CDH13: variants seen among roughly 807,000 people sequenced by gnomAD.
CDH13 encodes cadherin 13, also known as cadherin-13.
A neutral mutation model predicts 63.8 loss-of-function variants in CDH13; 24 were observed. The ratio of observed to expected loss-of-function variants is 0.38; its 90% confidence interval spans 0.27 to 0.53. The LOEUF (loss-of-function observed/expected upper bound fraction) is 0.53, where lower values mean the gene tolerates loss of function less well. Among genes scored for constraint, CDH13 ranks in the 20% least tolerant of loss-of-function variants. The pLI is 0.85. For synonymous variants in CDH13, 503 were observed against 355.3 expected (o/e 1.42, Z -4.67); for missense variants, 1,049 against 903.1 (o/e 1.16, Z -2.07).
At chr16:82,870,136 AT>A (rs896151781) in intron 2 of CDH13, among the ~76,000 whole-genome samples, 3 of 152,294 alleles carry the variant, frequency 2.0e-5, no homozygotes, top group Admixed American at 2.0e-4. Flanking sequence ...AGAAAAAAAA[AT>A]CTCATTAAAA....
intron 2 of CDH13, among the ~76,000 whole-genome samples, chr16:83,021,430 G>C (rs554713885): frequency 6.6e-6 from 1 of 152,322 alleles, no homozygotes; most frequent in African/African-American, 2.4e-5. Context: ...ACGGCAAGAG[G>C]AGAACGTAAG....
At chr16:82,804,646 G>A (rs73604894) in intron 1 of CDH13, among the ~76,000 whole-genome samples, 8,435 of 152,138 alleles carry the variant, frequency 0.055, 688 homozygotes, top group African/African-American at 0.18. Context: ...AGGAGACACT[G>A]TATGTATGAA....
chr16:82,825,339 G>GA, intron 1 of CDH13: 1 of 152,098 alleles, frequency 6.6e-6, no homozygotes, highest in East Asian at 1.9e-4. Flanking sequence ...AATTCACCAG[G>GA]AAAATACCAG....
chr16:83,487,960 C>A (rs540075747), intron 7 of CDH13, among the ~76,000 whole-genome samples: 2 of 152,212 alleles, frequency 1.3e-5, no homozygotes, highest in Non-Finnish European at 2.9e-5. Context: ...TCTCTGACTA[C>A]TCTTGCCTGT....
chr16:83,668,089 T>C (rs1914163516), intron 8 of CDH13, among the ~76,000 whole-genome samples: 1 of 152,214 alleles, frequency 6.6e-6, no homozygotes, highest in African/African-American at 2.4e-5. Context: ...AGTCCATCCC[T>C]GGTCTTCTGG....
chr16:83,320,403 C>A (rs555882618), intron 5 of CDH13, among the ~76,000 whole-genome samples: 1 of 152,118 alleles, frequency 6.6e-6, no homozygotes, highest in Non-Finnish European at 1.5e-5. Context: ...CAAGACCAAT[C>A]TAGGAAAAGT....
intron 8 of CDH13, among the ~76,000 whole-genome samples, chr16:83,646,995 C>G (rs1911883958): frequency 1.3e-5 from 2 of 152,030 alleles, no homozygotes; most frequent in Admixed American, 1.3e-4. Context: ...TGCAGGCTTT[C>G]TCTCTCCCCT....
chr16:83,371,306 C>G (rs758300972), intron 6 of CDH13, among the ~76,000 whole-genome samples: 2 of 152,228 alleles, frequency 1.3e-5, no homozygotes, highest in Admixed American at 1.3e-4. Context: ...CATCTTCAGT[C>G]ACATTCTCCA....
In CDH13 at chr16:83,047,298, A is replaced by G. The variant is rs1192699444; in HGVS notation, c.366+15080A>G. Among the ~76,000 whole-genome samples, 1 of 152,170 alleles carries G rather than the reference A, an allele frequency of 6.6e-6. No homozygotes were observed. The highest frequency in any genetic ancestry group is 2.4e-5 in the African/African-American group (1 of 41,438). The stretch of plus-strand genomic sequence containing the variant: ...TGCTGTGAATTTAAGTCATCTAATC[A>G]AAATGCATTATTTCTGTCCTTGCAT... On this transcript the variant is annotated intron_variant, in intron 3 of 13. Coordinates refer to ENST00000567109, the MANE Select transcript of CDH13 (RefSeq NM_001257.5). The surrounding 1 kb of genome is among the most constrained non-coding windows in gnomAD (Gnocchi z 4.9).
intron 2 of CDH13, chr16:82,859,087 A>G (rs1239354165): frequency 6.6e-6 from 1 of 152,358 alleles, no homozygotes; most frequent in African/African-American, 2.4e-5. Flanking sequence ...TTTAATGTCA[A>G]TATTATATTG....
rs147870729 is a variant in CDH13, at chr16:83,529,936, T to C, written c.960+43281T>C. Among the ~76,000 whole-genome samples, 324 of 152,274 alleles carry C rather than the reference T, an allele frequency of 2.1e-3. 2 individuals are homozygous for C. Among genetic ancestry groups the C allele is most frequent in the African/African-American group, 7.3e-3 (303 of 41,544 alleles). ...TATAAAGGAAAATTAGAAACTACAG[T>C]CCTAGTTAAGTAGGAGTGCAAAAGA... On this transcript the variant is annotated intron_variant, in intron 7 of 13. Transcript: ENST00000567109.
chr16:83,590,078 G>A (rs965905530), intron 7 of CDH13, among the ~76,000 whole-genome samples: 36 of 152,138 alleles, frequency 2.4e-4, no homozygotes, highest in African/African-American at 8.4e-4. Flanking sequence ...TGAGTGAGGA[G>A]AACAAACAGA....
chr16:82,648,778 C>A (rs933515949), intron 1 of CDH13, among the ~76,000 whole-genome samples: 2 of 151,968 alleles, frequency 1.3e-5, no homozygotes, highest in Non-Finnish European at 2.9e-5. Context: ...AAAAAACCTT[C>A]TAAAAAATAG....
chr16:83,511,985 AG>A, intron 7 of CDH13, among the ~76,000 whole-genome samples: 1 of 152,278 alleles, frequency 6.6e-6, no homozygotes, highest in East Asian at 1.9e-4. Flanking sequence ...GTTAGTCCTC[AG>A]TAAGTGTTAG....
intron 7 of CDH13, among the ~76,000 whole-genome samples, chr16:83,498,779 A>G (rs1221172117): frequency 6.6e-6 from 1 of 152,240 alleles, no homozygotes; most frequent in Non-Finnish European, 1.5e-5. Flanking sequence ...TAACACAGAA[A>G]AGCAAAATAC....
chr16:82,868,567 G>C (rs181704074), intron 2 of CDH13, among the ~76,000 whole-genome samples: 69 of 152,282 alleles, frequency 4.5e-4, no homozygotes, highest in African/African-American at 1.5e-3. Context: ...AGAAGTAACA[G>C]AGTGAGAAGG....
In CDH13 at chr16:83,707,836, C is replaced by CAAAAAAAAAAAAAAAAAAAAAA. The variant is rs61067563; in HGVS notation, c.1538+29376_1538+29397dup. On this transcript the variant is annotated intron_variant, in intron 10 of 13. Coordinates refer to ENST00000567109, the MANE Select transcript of CDH13 (RefSeq NM_001257.5). ...CATCTTTGGTGAGAGACCCTAAAGG[C>CAAAAAAAAAAAAAAAAAAAAAA]AAAAAAAAAAAAAAAAAAAAAAGAG... is the stretch of plus-strand genomic sequence containing the variant. 1.9e-3 allele frequency among the ~76,000 whole-genome samples: 149 copies of CAAAAAAAAAAAAAAAAAAAAAA among 78,856 alleles called. 26 individuals carry two copies. The highest frequency in any genetic ancestry group is 3.8e-3 in the African/African-American group (75 of 19,972). The allele number at this position is 78,856 out of a possible 152,430, so 51.7% of individuals were successfully genotyped here.
At chr16:83,776,031 T>C (rs1915087809) in intron 11 of CDH13, among the ~76,000 whole-genome samples, 3 of 152,138 alleles carry the variant, frequency 2.0e-5, no homozygotes, top group Admixed American at 6.5e-5. Flanking sequence ...GCATAGAAAC[T>C]GAGAGAGGCT....
At chr16:82,650,807 A>C (rs1042763489) in intron 1 of CDH13, among the ~76,000 whole-genome samples, 3 of 152,180 alleles carry the variant, frequency 2.0e-5, no homozygotes, top group Non-Finnish European at 4.4e-5. Context: ...ATAGTGTAGA[A>C]ATCAATCCGG....
Sources: allele counts gnomAD v4.1 joint callset (sites outside exome capture counted in the v4.1 genomes callset), GRCh38; gene constraint gnomAD v4.1.1; non-coding constraint Gnocchi (gnomAD v3.1); transcripts MANE v1.5; gene names NCBI Gene and HGNC (gene_info 2026-07-23, HGNC 2026-07-21).